The following MED13L variants were observed in gnomAD, a reference collection of about 807,000 sequenced individuals.
The protein encoded by MED13L is mediator complex subunit 13L.
MED13L carries 7 observed loss-of-function variants against 220.9 expected under a neutral mutation model. The observed-to-expected ratio is 0.03, with a 90% confidence interval of 0.02 to 0.06. The LOEUF (loss-of-function observed/expected upper bound fraction) is 0.06, where lower values mean the gene tolerates loss of function less well. Ranked by LOEUF, MED13L falls within the 10% of genes least tolerant of loss-of-function variation. The pLI, the probability that MED13L is intolerant of heterozygous loss-of-function variation, is 1.00. For missense variants in MED13L, 1,965 were observed against 2,760.5 expected (o/e 0.71, Z 6.46); for synonymous variants, 1,011 against 1,015.2 (o/e 1.00, Z 0.08).
At chr12:116,190,745 C>G (rs893040671) in intron 2 of MED13L, among the ~76,000 whole-genome samples, 1 of 152,024 alleles carries the variant, frequency 6.6e-6, no homozygotes, top group Non-Finnish European at 1.5e-5. Context: ...ACAATTTGAC[C>G]TTGTCAATCA....
Position 115,972,440 on chromosome 12 carries a change from A to C in MED13L, c.5732-204T>G, listed in dbSNP as rs910934128. The C allele has an allele frequency of 1.6e-5, 10 of 611,488 alleles. No individual in the cohort carries two copies. The African/African-American group carries it at 1.8e-4, about 11-fold the overall frequency. 37.9% of individuals were successfully genotyped at this position (611,488 alleles called of 1,614,324 possible). On this transcript the variant is annotated intron_variant, in intron 25 of 30. Transcript: ENST00000281928. ...TTCATTAACAAAGGAACAAAGGCCTACTATTCTGTGGCTGAAGTCATGTCT... is the reference window on the plus strand; with the variant it reads ...TTCATTAACAAAGGAACAAAGGCCTCCTATTCTGTGGCTGAAGTCATGTCT...
At chr12:116,219,665 C>A (rs766940017) in intron 2 of MED13L, among the ~76,000 whole-genome samples, 1 of 152,144 alleles carries the variant, frequency 6.6e-6, no homozygotes, top group African/African-American at 2.4e-5. Flanking sequence ...TATTTCCCAA[C>A]CAAATTATTT....
chr12:116,102,008 A>C (rs1367516734), intron 3 of MED13L, among the ~76,000 whole-genome samples: 1 of 152,238 alleles, frequency 6.6e-6, no homozygotes, highest in Non-Finnish European at 1.5e-5. Context: ...TGGCAAGATC[A>C]CTGTGATGCC....
chr12:115,999,551 C>T (rs1878617261), intron 14 of MED13L, among the ~76,000 whole-genome samples: 2 of 152,110 alleles, frequency 1.3e-5, no homozygotes. Context: ...TTCAAAGTCA[C>T]ATTGCCATAA....
chr12:116,178,602 A>C (rs1593133942), intron 2 of MED13L, among the ~76,000 whole-genome samples: 1 of 152,122 alleles, frequency 6.6e-6, no homozygotes, highest in East Asian at 1.9e-4. Flanking sequence ...CAAAATGAAC[A>C]CTCTAATCCT....
chr12:115,968,861 C>A, intron 28 of MED13L, 79 bp downstream of exon 28: 13 of 1,554,736 alleles, frequency 8.4e-6, no homozygotes, highest in Non-Finnish European at 1.1e-5. Flanking sequence ...CAAGTAGGAA[C>A]AAGATGATCA....
chr12:116,221,146 AG>A (rs1276891282), intron 2 of MED13L, among the ~76,000 whole-genome samples: 10 of 152,158 alleles, frequency 6.6e-5, no homozygotes, highest in Non-Finnish European at 1.5e-5. Flanking sequence ...AGGCTGAGGC[AG>A]GTGGATGGCT....
At chr12:116,233,865 T>C (rs1242789508) in intron 2 of MED13L, among the ~76,000 whole-genome samples, 1 of 152,196 alleles carries the variant, frequency 6.6e-6, no homozygotes, top group Non-Finnish European at 1.5e-5. Context: ...TTTATCCAAG[T>C]GACAAGGACA....
intron 22 of MED13L, among the ~76,000 whole-genome samples, chr12:115,981,479 A>G (rs750860122): frequency 1.3e-5 from 2 of 152,184 alleles, no homozygotes; most frequent in Non-Finnish European, 2.9e-5. Flanking sequence ...ATCTATATAG[A>G]ATTTTTTAAA....
intron 1 of MED13L, among the ~76,000 whole-genome samples, chr12:116,270,376 T>TCGTGATC (rs1873202352): frequency 1.3e-5 from 2 of 152,096 alleles, no homozygotes; most frequent in South Asian, 4.1e-4. Flanking sequence ...TCTCCTGACC[T>TCGTGATC]CGTGATCCGC....
At chr12:116,113,440 C>A (rs1281804045) in intron 2 of MED13L, among the ~76,000 whole-genome samples, 1 of 146,852 alleles carries the variant, frequency 6.8e-6, no homozygotes, top group Non-Finnish European at 1.5e-5. Context: ...AGATCAAGAC[C>A]AGCCTGGGCA....
chr12:115,962,743 A>G (rs1270674285), intron 30 of MED13L: 2 of 155,426 alleles, frequency 1.3e-5, no homozygotes, highest in African/African-American at 4.8e-5. Flanking sequence ...TTTTAAAAAA[A>G]CACATAATCG....
chr12:116,209,879 C>A (rs1882583507), intron 2 of MED13L, among the ~76,000 whole-genome samples: 1 of 152,204 alleles, frequency 6.6e-6, no homozygotes, highest in Non-Finnish European at 1.5e-5. Flanking sequence ...CCTAACCTAG[C>A]ATAAGTTAGG....
chr12:116,266,048 T>C (rs372538078), intron 1 of MED13L, among the ~76,000 whole-genome samples: 1 of 152,244 alleles, frequency 6.6e-6, no homozygotes, highest in East Asian at 1.9e-4. Context: ...TCTAGCCCTT[T>C]TGTTAACCCA....
At chr12:115,992,291 T>C (rs994191075) in intron 16 of MED13L, among the ~76,000 whole-genome samples, 6 of 152,196 alleles carry the variant, frequency 3.9e-5, no homozygotes, top group African/African-American at 1.4e-4. Context: ...GTCAATGTAA[T>C]TTGAAAAGTT....
chr12:116,011,710 A>C (rs1264264607), intron 9 of MED13L, among the ~76,000 whole-genome samples: 3 of 152,336 alleles, frequency 2.0e-5, no homozygotes, highest in African/African-American at 7.2e-5. Context: ...GGAACCCTTA[A>C]TGAGCAAGCA....
chr12:115,970,502 A>C, intron 27 of MED13L, 92 bp downstream of exon 27: 8 of 1,388,432 alleles, frequency 5.8e-6, no homozygotes, highest in Non-Finnish European at 8.1e-6. Flanking sequence ...GTTTATTACA[A>C]CACAGAAAAG....
rs80298211 is a variant in MED13L at position 116,073,399 on chromosome 12, G to A, written c.479+23270C>T. Among the ~76,000 whole-genome samples, 988 of 152,206 alleles carry A rather than the reference G, an allele frequency of 6.5e-3. 8 individuals are homozygous for A. Among genetic ancestry groups the A allele is most frequent in the African/African-American group, 0.022 (928 of 41,532 alleles). On this transcript the variant is annotated intron_variant, in intron 4 of 30. Coordinates refer to ENST00000281928, the MANE Select transcript of MED13L (RefSeq NM_015335.5). ...AAAACAAGAATGAAACTACACTGTT[G>A]CCACCATCCCAATGGACTCAATGTT...
At position 116,237,532 on chromosome 12, in the gene MED13L, C is replaced by T. The variant is rs774973652; in HGVS notation, c.246G>A (p.Glu82=). The T allele has an allele frequency of 1.2e-6, 2 of 1,614,228 alleles. No individual in the cohort carries two copies. The highest frequency in any genetic ancestry group is 1.7e-6 in the Non-Finnish European group (2 of 1,180,042). ...CATCTCCCCACCAGAATATCCATAA[C>T]TCTTTGCAATCTGGTTTGACATCAC... ...WRRDVKPDCK[E]LWIFWWGDEP... is the part of the protein sequence containing the mutation. Residue 82 remains glutamate (E), a synonymous_variant, in exon 2 of 31, where the codon GAG becomes GAA. Transcript: ENST00000281928.
Sources: gnomAD v4.1 joint callset for allele counts (sites outside exome capture counted in the v4.1 genomes callset) on GRCh38, gnomAD v4.1.1 for gene constraint, MANE v1.5 for transcripts, NCBI Gene and HGNC (gene_info 2026-07-23, HGNC 2026-07-21) for gene names.